The following ATP1A4 variants were observed in gnomAD, a reference collection of about 807,000 sequenced individuals.
ATP1A4 encodes ATPase Na+/K+ transporting subunit alpha 4, also known as sodium/potassium-transporting ATPase subunit alpha-4.
In ATP1A4, 90 loss-of-function variants were observed where a neutral mutation model predicts 114.3. The observed-to-expected ratio is 0.79, with a 90% confidence interval of 0.66 to 0.94. ATP1A4 has a LOEUF of 0.94. Ranked by LOEUF, ATP1A4 falls within the 40% of genes least tolerant of loss-of-function variation. The probability of loss-of-function intolerance (pLI) is 0.00; values close to 1 mark genes in which losing one functional copy is unlikely to be tolerated. For synonymous variants in ATP1A4, 511 were observed against 494.1 expected (o/e 1.03, Z -0.45); for missense variants, 1,222 against 1,313.6 (o/e 0.93, Z 1.08).
chr1:160,153,210 G>A lies in ATP1A4; in HGVS notation c.193G>A (p.Val65Met), dbSNP rs7549352. The stretch of plus-strand genomic sequence containing the variant: ...GGAAGAGCTGAGCACCAAGTACTCC[G>A]TGGACCTGACAAAGGTGAGTAAGAA... ...TLEELSTKYS[V>M]DLTKGHSHQR... The change falls in exon 2 of 22, where the codon GTG (valine) becomes ATG (methionine). Residue 65 changes from valine to methionine, a missense_variant. By Grantham distance (21) the Val-to-Met change is conservative. Transcript: ENST00000368081. 1.5e-3 allele frequency: 2,415 copies of A among 1,613,638 alleles called. 5 individuals are homozygous for A. Among genetic ancestry groups the A allele is most frequent in the Non-Finnish European group, 1.9e-3 (2,265 of 1,179,830 alleles).
rs1653360104 is a variant in ATP1A4, at chr1:160,174,014, AAAG to A, written c.1992-90_1992-88del. The A allele has an allele frequency of 2.1e-6, 3 of 1,432,438 alleles. No individual in the cohort carries two copies. In the Admixed American group the frequency reaches 6.1e-5, roughly 29 times the overall value. The allele number at this position is 1,432,438 out of a possible 1,614,324, so 88.7% of individuals were successfully genotyped here. A position where few individuals can be genotyped will look rare whatever the true frequency, so the allele number is the denominator to read the frequency against. ...AGGGACAAGTGAGGAGACTAGGTTG[AAAG>A]AAGAAGCAATGAAGCTATAGTCAAG... On this transcript the variant is annotated intron_variant, in intron 13 of 21. Transcript: ENST00000368081.
chr1:160,176,490 C>T lies in ATP1A4; in HGVS notation c.2478C>T (p.Ile826=). 6.2e-7 allele frequency: 1 copy of T among 1,614,224 alleles called. No homozygotes were observed. Among genetic ancestry groups the T allele is most frequent in the Non-Finnish European group, 8.5e-7 (1 of 1,180,042 alleles). ...CCTCCATCCTCCAGGTCCCTGCCATCTCCTTGGCTTATGAGTCAGCTGAAA... is the reference window on the plus strand; with the variant it reads ...CCTCCATCCTCCAGGTCCCTGCCATTTCCTTGGCTTATGAGTCAGCTGAAA... ...IDLGTDMVPA[I]SLAYESAESD... Residue 826 remains isoleucine, a synonymous_variant, in exon 17 of 22, where the codon ATC becomes ATT. Coordinates refer to ENST00000368081, the MANE Select transcript of ATP1A4 (RefSeq NM_144699.4).
chr1:160,168,753 T>A (rs1172308407), intron 10 of ATP1A4, among the ~76,000 whole-genome samples: 1 of 152,204 alleles, frequency 6.6e-6, no homozygotes, highest in Non-Finnish European at 1.5e-5. Flanking sequence ...AAGGGTTAAA[T>A]AGATCTATCC....
At chr1:160,174,048 C>A in intron 13 of ATP1A4, 63 bp from the exon 14 acceptor site, 1 of 1,573,692 alleles carries the variant, frequency 6.4e-7, no homozygotes, top group Non-Finnish European at 8.7e-7. Flanking sequence ...TCAAGATGGG[C>A]ACCAAGACCC....
intron 15 of ATP1A4, among the ~76,000 whole-genome samples, chr1:160,175,422 G>A (rs900442553): frequency 3.9e-5 from 6 of 151,970 alleles, no homozygotes; most frequent in Non-Finnish European, 7.4e-5. Context: ...CAATAAGTTC[G>A]TTTGAACACT....
chr1:160,167,079 T>C lies in ATP1A4; in HGVS notation c.1356+2T>C. ...CAGGAGATCCTGCCCATTGCTAAGG[T>C]GTCAGGCCCAAGGGGAAGAGGGTAC... On this transcript the variant is annotated splice_donor_variant, in intron 9 of 21. Coordinates refer to ENST00000368081, the MANE Select transcript of ATP1A4 (RefSeq NM_144699.4). LOFTEE classifies it high-confidence loss of function. The C allele has an allele frequency of 6.2e-7, 1 of 1,613,654 alleles. No individual in the cohort carries two copies. The highest frequency in any genetic ancestry group is 8.5e-7 in the Non-Finnish European group (1 of 1,179,650).
Position 160,152,047 on chromosome 1 carries a change from C to T in ATP1A4, c.7C>T (p.Leu3Phe), listed in dbSNP as rs1420727048. The change falls in exon 1 of 22, where the codon CTT becomes TTT. Residue 3 changes from leucine to phenylalanine, a missense_variant. Coordinates refer to ENST00000368081, the MANE Select transcript of ATP1A4 (RefSeq NM_144699.4). MG[L>F]WGKKGTVAPH... ...GCTCTTTCTGGGGATAGCTATGGGG[C>T]TTTGGGGGAAGAAAGGGACAGTGGC... 12 of 1,612,996 alleles carry T rather than the reference C, an allele frequency of 7.4e-6. No individual in the cohort carries two copies. Among genetic ancestry groups the T allele is most frequent in the South Asian group, 1.1e-5 (1 of 90,964 alleles).
At chr1:160,167,457 C>T in intron 10 of ATP1A4, 45 bp downstream of exon 10, 1 of 1,600,814 alleles carries the variant, frequency 6.2e-7, no homozygotes, top group Non-Finnish European at 8.5e-7. Context: ...GGGGGATGGG[C>T]TTATCACTGG....
chr1:160,152,288 C>T lies in ATP1A4; in HGVS notation c.147+101C>T. The T allele has an allele frequency of 2.3e-6, 3 of 1,308,168 alleles. No individual in the cohort carries two copies. In the Admixed American group the frequency reaches 8.0e-5, roughly 35 times the overall value. The allele number at this position is 1,308,168 out of a possible 1,614,324, so 81.0% of individuals were successfully genotyped here. A position where few individuals can be genotyped will look rare whatever the true frequency, so the allele number is the denominator to read the frequency against. ...GAGAATGAAACACACAGGCCAGAGC[C>T]ACATCTCTTCTCTGTTAGGCTTTGG... is the stretch of plus-strand genomic sequence containing the variant. On this transcript the variant is annotated intron_variant, in intron 1 of 21. Coordinates refer to ENST00000368081, the MANE Select transcript of ATP1A4 (RefSeq NM_144699.4).
In ATP1A4 at chr1:160,186,698, A is replaced by C. The variant is rs1433828460; in HGVS notation, c.3089A>C (p.Ter1030SerextTer9). Residue 1030 changes from the stop codon to serine, a stop_lost, in exon 22 of 22, where the codon TAA (stop) becomes TCA (serine). Transcript: ENST00000368081. ...TGGGTGGAAAGGGAGACGTACTACTAAACTCAGCAGATGAAGAGCTTCATG... is the reference window on the plus strand; with the variant it reads ...TGGGTGGAAAGGGAGACGTACTACTCAACTCAGCAGATGAAGAGCTTCATG... The part of the protein sequence containing the change: ...DGWVERETYY[*>S] 9 of 1,610,966 alleles carry C rather than the reference A, an allele frequency of 5.6e-6. No homozygotes were observed. Among genetic ancestry groups the C allele is most frequent in the South Asian group, 1.1e-5 (1 of 90,212 alleles).
chr1:160,177,865 T>C (rs1281818274), intron 18 of ATP1A4, among the ~76,000 whole-genome samples: 1 of 152,246 alleles, frequency 6.6e-6, no homozygotes, highest in Non-Finnish European at 1.5e-5. Context: ...CTGTTTAGCA[T>C]AGGCTCATTC....
In ATP1A4 at chr1:160,152,197, C is replaced by T. The variant is rs749834741; in HGVS notation, c.147+10C>T. 6 of 1,611,646 alleles carry T rather than the reference C, an allele frequency of 3.7e-6. No individual in the cohort carries two copies. In the South Asian group the frequency reaches 5.5e-5, roughly 15 times the overall value. On this transcript the variant is annotated intron_variant, in intron 1 of 21. Transcript: ENST00000368081. ...GAAGGAAGTGGTCATGGTGAGGCCA[C>T]CCAAAGTGGGCGCTGACAGCTGCCC... is the stretch of plus-strand genomic sequence containing the variant.
At chr1:160,158,891 G>C in intron 4 of ATP1A4, 111 bp from the exon 5 acceptor site, 2 of 1,199,948 alleles carry the variant, frequency 1.7e-6, no homozygotes, top group South Asian at 3.2e-5. Flanking sequence ...GTGGGTGACA[G>C]TAAGAAAGGG....
chr1:160,165,479 G>T (rs1652992103), intron 7 of ATP1A4, among the ~76,000 whole-genome samples: 1 of 152,222 alleles, frequency 6.6e-6, no homozygotes, highest in Non-Finnish European at 1.5e-5. Context: ...CTATTGGTCT[G>T]CCGGGCGCGG....
At chr1:160,175,957 C>T (rs1653447148) in intron 15 of ATP1A4, 135 bp from the exon 16 acceptor site, 2 of 801,658 alleles carry the variant, frequency 2.5e-6, no homozygotes, top group African/African-American at 3.4e-5. Flanking sequence ...AATACTGGGA[C>T]CCTGGAGGTC....
chr1:160,167,650 C>T lies in ATP1A4; in HGVS notation c.1491+238C>T, dbSNP rs1037248220. 2.6e-5 allele frequency among the ~76,000 whole-genome samples: 4 copies of T among 152,146 alleles called. No homozygotes were observed. The South Asian group carries it at 6.2e-4, about 24-fold the overall frequency. On this transcript the variant is annotated intron_variant, in intron 10 of 21. Transcript: ENST00000368081. ...GTCCTATGCAGAGATCTGAGCTCTGCCACTTGGGGAAAAAGCGAGTCATAA... is the reference window on the plus strand; with the variant it reads ...GTCCTATGCAGAGATCTGAGCTCTGTCACTTGGGGAAAAAGCGAGTCATAA...
At chr1:160,186,039 G>A (rs1653875228) in intron 20 of ATP1A4, among the ~76,000 whole-genome samples, 1 of 129,856 alleles carries the variant, frequency 7.7e-6, no homozygotes, top group Admixed American at 9.4e-5. Context: ...AGGTTGCAGT[G>A]AGCCGAGATT....
chr1:160,165,534 C>A (rs762770930), intron 7 of ATP1A4, among the ~76,000 whole-genome samples: 4 of 151,960 alleles, frequency 2.6e-5, no homozygotes, highest in Admixed American at 2.0e-4. Context: ...CCAAGGTGGG[C>A]GGATCACGAG....
chr1:160,186,894 T>C lies in ATP1A4; in HGVS notation c.*195T>C, dbSNP rs543581374. On this transcript the variant is annotated 3_prime_UTR_variant, in exon 22 of 22. Transcript: ENST00000368081. ...GGGCTGAAGGGAAGCCCAGCCTGCA[T>C]CTAGCTGGAGCCCCGCAGGGAGGGG... 2.1e-5 allele frequency: 14 copies of C among 663,264 alleles called. No homozygotes were observed. The African/African-American group carries it at 2.3e-4, about 11-fold the overall frequency. 41.1% of individuals were successfully genotyped at this position (663,264 alleles called of 1,614,324 possible). A position where few individuals can be genotyped will look rare whatever the true frequency, so the allele number is the denominator to read the frequency against.
Sources: gnomAD v4.1 joint callset for allele counts (sites outside exome capture counted in the v4.1 genomes callset) on GRCh38, gnomAD v4.1.1 for gene constraint, MANE v1.5 for transcripts, NCBI Gene and HGNC (gene_info 2026-07-23, HGNC 2026-07-21) for gene names.